The following OCEL1 variants were observed in gnomAD, a reference collection of about 807,000 sequenced individuals.
OCEL1 encodes the protein occludin/ELL domain containing 1.
In OCEL1, 24 loss-of-function variants were observed where a neutral mutation model predicts 29.4. The ratio of observed to expected loss-of-function variants is 0.82; its 90% CI spans 0.59 to 1.15. OCEL1 has a LOEUF of 1.15. OCEL1 is among the 50% of genes most tolerant of loss of function. OCEL1 has a pLI of 0.00. For synonymous variants in OCEL1, 172 were observed against 145.3 expected (o/e 1.18, Z -1.32); for missense variants, 402 against 352.5 (o/e 1.14, Z -1.13).
chr19:17,227,787 G>A, intron 3 of OCEL1, 53 bp from the exon 4 acceptor site: 1 of 1,581,410 alleles, frequency 6.3e-7, no homozygotes, highest in Admixed American at 1.7e-5. Context: ...CACTGACTGG[G>A]GGAAAGAGTG....
In OCEL1 at chr19:17,228,806, C is replaced by A. The variant is rs1231891464; in HGVS notation, c.676C>A (p.Pro226Thr). 6.2e-6 allele frequency: 10 copies of A among 1,613,086 alleles called. No homozygotes were observed. Among genetic ancestry groups the A allele is most frequent in the Non-Finnish European group, 8.5e-6 (10 of 1,179,854 alleles). Reference protein sequence around the residue: ...WREFEMKRMDPGFLDKQARCH... With the variant: ...WREFEMKRMDTGFLDKQARCH... ...TTCCGGGTCTCGCCCTGCCTAGGATCCTGGCTTCCTGGACAAGCAGGCTCG... is the reference window on the plus strand; with the variant it reads ...TTCCGGGTCTCGCCCTGCCTAGGATACTGGCTTCCTGGACAAGCAGGCTCG... The change falls in exon 6 of 6, where the codon CCT (proline) becomes ACT (threonine). Residue 226 changes from proline (P) to threonine (T), a missense_variant. Physicochemically the swap from Pro to Thr is conservative, Grantham distance 38. Transcript: ENST00000215061.
Position 17,226,856 on chromosome 19 carries a change from G to A in OCEL1, c.233G>A (p.Gly78Glu). The A allele has an allele frequency of 6.5e-7, 1 of 1,537,198 alleles. No individual in the cohort carries two copies. The highest frequency in any genetic ancestry group is 8.7e-7 in the Non-Finnish European group (1 of 1,148,272). ...SRGHLHTHPPGPGPPLQGLAP... is the reference protein window; with the variant it reads ...SRGHLHTHPPEPGPPLQGLAP... ...GGGCACCTGCATACTCACCCGCCTG[G>A]GCCTGGGCCCCCGGTGAGCCTGACC... Residue 78 changes from glycine (G) to glutamate (E), a missense_variant, in exon 2 of 6, where the codon GGG (glycine) becomes GAG (glutamate). Gly to Glu is a moderately conservative substitution (Grantham distance 98). Coordinates refer to ENST00000215061, the MANE Select transcript of OCEL1 (RefSeq NM_024578.3).
In OCEL1 at chr19:17,226,257, C is replaced by A. The variant is rs116007369; in HGVS notation, c.10C>A (p.Pro4Thr). 3,734 of 1,611,116 alleles carry A rather than the reference C, an allele frequency of 2.3e-3. 68 individuals are homozygous for A. In the African/African-American group the frequency reaches 0.045, roughly 20 times the overall value. The change falls in exon 1 of 6, where the codon CCG becomes ACG. Residue 4 changes from proline (P) to threonine (T), a missense_variant. Pro to Thr is a conservative substitution (Grantham distance 38). Coordinates refer to ENST00000215061, the MANE Select transcript of OCEL1 (RefSeq NM_024578.3). ...GTCCATCCTGCAGTAAATGCACAAC[C>A]CGGACGGAAGTGCCTCTCCGACAGC... Reference protein sequence around the residue: MHNPDGSASPTADP... With the variant: MHNTDGSASPTADP...
intron 1 of OCEL1, 130 bp from the exon 2 acceptor site, chr19:17,226,563 G>C: frequency 9.3e-7 from 1 of 1,076,446 alleles, no homozygotes; most frequent in East Asian, 2.7e-5. Flanking sequence ...GTGCGTCTAT[G>C]CAAATAGCGG....
Position 17,226,235 on chromosome 19 carries a change from CATCCTGCAGTAA to C in OCEL1, c.-10_2del. On this transcript the variant is annotated 5_prime_UTR_variant, in exon 1 of 6. Transcript: ENST00000215061. ...GCTGAGCGACCCCGCCAGTCGGGTC[CATCCTGCAGTAA>C]ATGCACAACCCGGACGGAAGTGCCT... 6.2e-7 allele frequency: 1 copy of C among 1,603,990 alleles called. No homozygotes were observed. Among genetic ancestry groups the C allele is most frequent in the East Asian group, 2.2e-5 (1 of 44,498 alleles).
intron 3 of OCEL1, 45 bp from the exon 4 acceptor site, chr19:17,227,795 G>C (rs749029288): frequency 6.3e-7 from 1 of 1,593,256 alleles, no homozygotes; most frequent in South Asian, 1.1e-5. Context: ...GGGGGAAAGA[G>C]TGGGGTTCTT....
chr19:17,228,392 T>TG (rs2073382350), intron 5 of OCEL1, 83 bp downstream of exon 5: 4 of 1,402,620 alleles, frequency 2.9e-6, no homozygotes, highest in Non-Finnish European at 4.0e-6. Context: ...TTCTTTTTTT[T>TG]TTCTTTCTTT....
At chr19:17,228,559 A>G in intron 5 of OCEL1, 1 of 592,942 alleles carries the variant, frequency 1.7e-6, no homozygotes. Flanking sequence ...TTTGTAGTAG[A>G]GATGGGGTTT....
rs758409513 is a variant in OCEL1 at position 17,228,395 on chromosome 19, CTTTCT to C, written c.672+90_672+94del. On this transcript the variant is annotated intron_variant, in intron 5 of 5. Transcript: ENST00000215061. Reference sequence around the variant, plus strand: ...CCTGTGCCCAGTTTCTTTTTTTTTTCTTTCTTTTGAGACAGAATCTCGCTCTGTCA... The same window carrying C: ...CCTGTGCCCAGTTTCTTTTTTTTTTCTTTGAGACAGAATCTCGCTCTGTCA... 6.7e-6 allele frequency: 9 copies of C among 1,343,850 alleles called. No homozygotes were observed. In the African/African-American group the frequency reaches 7.8e-5, roughly 12 times the overall value. 83.2% of individuals were successfully genotyped at this position (1,343,850 alleles called of 1,614,324 possible).
chr19:17,227,789 GA>G (rs755300272), intron 3 of OCEL1, 50 bp from the exon 4 acceptor site: 6 of 1,582,354 alleles, frequency 3.8e-6, no homozygotes. Context: ...CTGACTGGGG[GA>G]AAGAGTGGGG....
Position 17,227,907 on chromosome 19 carries a change from G to C in OCEL1, c.520G>C (p.Gly174Arg), listed in dbSNP as rs151254361. Residue 174 changes from glycine (G) to arginine (R), a missense_variant, in exon 4 of 6, where the codon GGA becomes CGA. Transcript: ENST00000215061. Reference protein sequence around the residue: ...RYVAVFQDQYGEFLELQHEVG... With the variant: ...RYVAVFQDQYREFLELQHEVG... ...TGTCGCAGTGTTCCAGGACCAGTACGGAGAGTTCTTGGAGCTCCAGCACGA... is the reference window on the plus strand; with the variant it reads ...TGTCGCAGTGTTCCAGGACCAGTACCGAGAGTTCTTGGAGCTCCAGCACGA... 3.6e-4 allele frequency: 578 copies of C among 1,613,822 alleles called. 6 individuals carry two copies. In the South Asian group the frequency reaches 4.2e-3, roughly 12 times the overall value.
chr19:17,228,785 G>C lies in OCEL1; in HGVS notation c.673-18G>C. On this transcript the variant is annotated intron_variant, in intron 5 of 5. Transcript: ENST00000215061. Reference sequence around the variant, plus strand: ...AGGGCAGACTGCTGCAAAGACTTCCGGGTCTCGCCCTGCCTAGGATCCTGG... The same window carrying C: ...AGGGCAGACTGCTGCAAAGACTTCCCGGTCTCGCCCTGCCTAGGATCCTGG... 1 of 1,610,640 alleles carries C rather than the reference G, an allele frequency of 6.2e-7. No homozygotes were observed. The highest frequency in any genetic ancestry group is 8.5e-7 in the Non-Finnish European group (1 of 1,179,156).
At position 17,226,724 on chromosome 19, in the gene OCEL1, G is replaced by T. The variant is rs1439147344; in HGVS notation, c.101G>T (p.Gly34Val). The change falls in exon 2 of 6, where the codon GGA (glycine) becomes GTA (valine). Residue 34 changes from glycine to valine, a missense_variant. Transcript: ENST00000215061. ...CGCAGACCACCCCCGCCGCGCGCGGGACACGACGCCCCCCGCAGGACCCGC... is the reference window on the plus strand; with the variant it reads ...CGCAGACCACCCCCGCCGCGCGCGGTACACGACGCCCCCCGCAGGACCCGC... ...AARRPPPPRAGHDAPRRTRPS... is the reference protein window; with the variant it reads ...AARRPPPPRAVHDAPRRTRPS... 9 of 1,532,794 alleles carry T rather than the reference G, an allele frequency of 5.9e-6. No individual in the cohort carries two copies. Among genetic ancestry groups the T allele is most frequent in the Non-Finnish European group, 7.0e-6 (8 of 1,147,760 alleles). 94.9% of individuals were successfully genotyped at this position (1,532,794 alleles called of 1,614,324 possible).
intron 5 of OCEL1, 80 bp from the exon 6 acceptor site, chr19:17,228,723 G>C: frequency 6.5e-7 from 1 of 1,545,290 alleles, no homozygotes; most frequent in Non-Finnish European, 8.7e-7. Context: ...GAGGCTCGGA[G>C]AATGAAAGGC....
In OCEL1 at chr19:17,226,756, G is replaced by C; in HGVS notation, c.133G>C (p.Ala45Pro). ...HDAPRRTRPS[A>P]RKPLSCFSRR... ...CGCCCCCCGCAGGACCCGCCCATCA[G>C]CCCGGAAACCCCTGAGCTGCTTCTC... Residue 45 changes from alanine to proline, a missense_variant, in exon 2 of 6, where the codon GCC becomes CCC. By Grantham distance (27) the Ala-to-Pro change is conservative (BLOSUM62 -1). Transcript: ENST00000215061. 2 of 1,582,998 alleles carry C rather than the reference G, an allele frequency of 1.3e-6. No individual in the cohort carries two copies. The highest frequency in any genetic ancestry group is 8.5e-7 in the Non-Finnish European group (1 of 1,170,088).
chr19:17,226,335 G>A lies in OCEL1; in HGVS notation c.69+19G>A, dbSNP rs1355760150. ...GGGACAGGTGACCCGGGGCGGTAGC[G>A]AGCCGGACGGCCTTGCAGGTGGGGC... On this transcript the variant is annotated intron_variant, in intron 1 of 5. Coordinates refer to ENST00000215061, the MANE Select transcript of OCEL1 (RefSeq NM_024578.3). 6 of 1,607,940 alleles carry A rather than the reference G, an allele frequency of 3.7e-6. No homozygotes were observed. The highest frequency in any genetic ancestry group is 5.1e-6 in the Non-Finnish European group (6 of 1,178,012).
In OCEL1 at chr19:17,226,237, T is replaced by G. The variant is rs577877777; in HGVS notation, c.-11T>G. ...TGAGCGACCCCGCCAGTCGGGTCCA[T>G]CCTGCAGTAAATGCACAACCCGGAC... On this transcript the variant is annotated 5_prime_UTR_variant, in exon 1 of 6. Coordinates refer to ENST00000215061, the MANE Select transcript of OCEL1 (RefSeq NM_024578.3). 6.2e-7 allele frequency: 1 copy of G among 1,604,866 alleles called. No individual in the cohort carries two copies. Among genetic ancestry groups the G allele is most frequent in the Non-Finnish European group, 8.5e-7 (1 of 1,176,340 alleles).
At position 17,226,787 on chromosome 19, in the gene OCEL1, G is replaced by A. The variant is rs1285041276; in HGVS notation, c.164G>A (p.Arg55Lys). Residue 55 changes from arginine to lysine, a missense_variant, in exon 2 of 6, where the codon AGG (arginine) becomes AAG (lysine). Transcript: ENST00000215061. ...ARKPLSCFSR[R>K]PMPTREPPKT... ...AAACCCCTGAGCTGCTTCTCCCGGAGGCCGATGCCCACCCGGGAGCCCCCA... is the reference window on the plus strand; with the variant it reads ...AAACCCCTGAGCTGCTTCTCCCGGAAGCCGATGCCCACCCGGGAGCCCCCA... The A allele has an allele frequency of 1.9e-6, 3 of 1,594,346 alleles. No homozygotes were observed. The highest frequency in any genetic ancestry group is 2.6e-6 in the Non-Finnish European group (3 of 1,173,804).
chr19:17,228,990 T>C lies in OCEL1; in HGVS notation c.*65T>C. ...GGTCCCTTGCATTTCTTGGTATCTC[T>C]CAGCTTTTCCTCTTGCAGCTCCCCC... On this transcript the variant is annotated 3_prime_UTR_variant, in exon 6 of 6. Coordinates refer to ENST00000215061, the MANE Select transcript of OCEL1 (RefSeq NM_024578.3). 6.4e-7 allele frequency: 1 copy of C among 1,561,150 alleles called. No individual in the cohort carries two copies.
Sources: gnomAD v4.1 joint callset for allele counts on GRCh38, gnomAD v4.1.1 for gene constraint, MANE v1.5 for transcripts, NCBI Gene and HGNC (gene_info 2026-07-23, HGNC 2026-07-21) for gene names.